Variants in ALPK2 observed in about 807,000 individuals in gnomAD.
ALPK2 encodes the protein alpha kinase 2.
In ALPK2, 127 loss-of-function variants were observed where a neutral mutation model predicts 163.1. That is an observed-to-expected ratio of 0.78 (90% CI 0.67 to 0.90). ALPK2 has a LOEUF of 0.90. Among genes scored for constraint, ALPK2 ranks in the 40% least tolerant of loss-of-function variants. The pLI, the probability that ALPK2 is intolerant of heterozygous loss-of-function variation, is 0.00. For missense variants in ALPK2, 2,360 were observed against 2,589.6 expected (o/e 0.91, Z 1.92); for synonymous variants, 953 against 959.1 (o/e 0.99, Z 0.12).
Position 58,607,369 on chromosome 18 carries a change from G to C in ALPK2, c.180C>G (p.Asn60Lys). The change falls in exon 3 of 13, where the codon AAC becomes AAG. Residue 60 changes from asparagine to lysine, a missense_variant. By Grantham distance (94) the Asn-to-Lys change is moderately conservative (BLOSUM62 0). Transcript: ENST00000361673. ...QAIDGSGIIS[N>K]YEFFENQYIH... ...TATACTGATTCTCAAAGAATTCATA[G>C]TTGGAAATAATGCCACTCCCATCGA... is the stretch of plus-strand genomic sequence containing the variant. 1 of 1,613,784 alleles carries C rather than the reference G, an allele frequency of 6.2e-7. No individual in the cohort carries two copies. The highest frequency in any genetic ancestry group is 8.5e-7 in the Non-Finnish European group (1 of 1,179,868).
intron 3 of ALPK2, among the ~76,000 whole-genome samples, chr18:58,596,441 C>T (rs572273879): frequency 6.6e-6 from 1 of 152,314 alleles, no homozygotes; most frequent in African/African-American, 2.4e-5. Context: ...CTCATTAGGG[C>T]TGTCAAGGAG....
chr18:58,533,942 C>T (rs544418155), intron 5 of ALPK2, among the ~76,000 whole-genome samples: 16 of 152,280 alleles, frequency 1.1e-4, no homozygotes, highest in Non-Finnish European at 1.9e-4. Flanking sequence ...GAAAATTCTT[C>T]CCTTCTGATC....
rs538792326 is a variant in ALPK2, at chr18:58,481,391, C to T, written c.*432G>A. 5.9e-5 allele frequency: 10 copies of T among 168,946 alleles called. No homozygotes were observed. Among genetic ancestry groups the T allele is most frequent in the Admixed American group, 2.3e-4 (4 of 17,088 alleles). 10.5% of individuals were successfully genotyped at this position (168,946 alleles called of 1,614,324 possible). Reference sequence around the variant, plus strand: ...AACAACTTGATCCAGTGAGCGAATTCGTGATTTCTGTTTACATCACAGCAG... The same window carrying T: ...AACAACTTGATCCAGTGAGCGAATTTGTGATTTCTGTTTACATCACAGCAG... On this transcript the variant is annotated 3_prime_UTR_variant, in exon 13 of 13. Coordinates refer to ENST00000361673, the MANE Select transcript of ALPK2 (RefSeq NM_052947.4).
At chr18:58,614,433 C>T (rs1035724798) in intron 1 of ALPK2, among the ~76,000 whole-genome samples, 6 of 152,118 alleles carry the variant, frequency 3.9e-5, no homozygotes, top group Non-Finnish European at 5.9e-5. Context: ...CATGGGGCTC[C>T]GGTTCATACA....
At chr18:58,531,934 T>C (rs1240943313) in intron 5 of ALPK2, among the ~76,000 whole-genome samples, 1 of 5,934 alleles carries the variant, frequency 1.7e-4, no homozygotes, top group South Asian at 5.6e-3. Flanking sequence ...AGGCTCCGTC[T>C]CAAAAAAAAA....
chr18:58,606,708 T>A (rs111727187), intron 3 of ALPK2, among the ~76,000 whole-genome samples: 5 of 152,276 alleles, frequency 3.3e-5, no homozygotes, highest in Middle Eastern at 3.4e-3. Context: ...CTGTGACCAA[T>A]TTAGTAGCAT....
intron 11 of ALPK2, among the ~76,000 whole-genome samples, chr18:58,501,656 G>T (rs2051431878): frequency 6.6e-6 from 1 of 152,180 alleles, no homozygotes; most frequent in South Asian, 2.1e-4. Context: ...AGAAAATGCG[G>T]GTTGGAGTCT....
chr18:58,624,600 G>A (rs112148844), intron 1 of ALPK2, among the ~76,000 whole-genome samples: 28,469 of 152,066 alleles, frequency 0.19, 2,927 homozygotes, highest in African/African-American at 0.27. Flanking sequence ...GATTACAGGC[G>A]TGTGCCAGCA....
At chr18:58,531,935 CAAAAAAAA>C (rs35957271) in intron 5 of ALPK2, among the ~76,000 whole-genome samples, 50 of 49,618 alleles carry the variant, frequency 1.0e-3, no homozygotes, top group Middle Eastern at 0.028. Flanking sequence ...GGCTCCGTCT[CAAAAAAAA>C]AAAAAAAAAA....
chr18:58,537,645 T>C lies in ALPK2; in HGVS notation c.2542A>G (p.Lys848Glu), dbSNP rs778447149. Residue 848 changes from lysine to glutamate, a missense_variant, in exon 5 of 13, where the codon AAA becomes GAA. By Grantham distance (56) the Lys-to-Glu change is moderately conservative. Coordinates refer to ENST00000361673, the MANE Select transcript of ALPK2 (RefSeq NM_052947.4). ...VDTELAEGQNKVSDLCSSNDK... is the reference protein window; with the variant it reads ...VDTELAEGQNEVSDLCSSNDK... The stretch of plus-strand genomic sequence containing the variant: ...TTAGAAGAACATAAATCAGATACTT[T>C]GTTTTGACCTTCTGCCAGTTCCGTA... The C allele has an allele frequency of 1.2e-6, 2 of 1,613,492 alleles. No individual in the cohort carries two copies. The highest frequency in any genetic ancestry group is 2.2e-5 in the South Asian group (2 of 91,046).
chr18:58,516,876 A>G, intron 9 of ALPK2, 32 bp downstream of exon 9: 1 of 1,602,496 alleles, frequency 6.2e-7, no homozygotes, highest in Non-Finnish European at 8.5e-7. Flanking sequence ...TTCTCACACC[A>G]GAAGTGACAG....
At chr18:58,571,532 C>G (rs1196194711) in intron 4 of ALPK2, among the ~76,000 whole-genome samples, 3 of 151,058 alleles carry the variant, frequency 2.0e-5, no homozygotes, top group Non-Finnish European at 4.4e-5. Context: ...GCTATAAAAC[C>G]TAGAAAAAGA....
intron 3 of ALPK2, among the ~76,000 whole-genome samples, chr18:58,606,872 C>T (rs943031951): frequency 6.6e-6 from 1 of 152,174 alleles, no homozygotes; most frequent in African/African-American, 2.4e-5. Flanking sequence ...CATACTACTT[C>T]CTAAAATAAA....
At chr18:58,530,559 T>C (rs1254608885) in intron 5 of ALPK2, among the ~76,000 whole-genome samples, 1 of 152,180 alleles carries the variant, frequency 6.6e-6, no homozygotes, top group Non-Finnish European at 1.5e-5. Flanking sequence ...GCCGGCTTCA[T>C]GGGTGATGTG....
Position 58,503,978 on chromosome 18 carries a change from C to T in ALPK2, c.6200G>A (p.Trp2067Ter). 1.2e-6 allele frequency: 2 copies of T among 1,614,164 alleles called. No individual in the cohort carries two copies. The highest frequency in any genetic ancestry group is 1.7e-6 in the Non-Finnish European group (2 of 1,180,030). The change falls in exon 11 of 13, where the codon TGG becomes TAG. Residue 2067 changes from tryptophan to a stop codon, truncating the protein, a stop_gained. Coordinates refer to ENST00000361673, the MANE Select transcript of ALPK2 (RefSeq NM_052947.4). LOFTEE classifies it high-confidence loss of function. ...GCAGCCACTTGTTTTCTGGTACACC[C>T]AGTGCTGGAAGGTGCAACATTTCTG... ...AGQKCCTFQH[W>*]VYQKTSGCLL... is the part of the protein sequence containing the mutation.
At chr18:58,542,746 C>T (rs567413578) in intron 4 of ALPK2, among the ~76,000 whole-genome samples, 2 of 152,210 alleles carry the variant, frequency 1.3e-5, no homozygotes, top group South Asian at 2.1e-4. Flanking sequence ...CTGGAATTGC[C>T]GAGAAAAGCA....
At position 58,579,278 on chromosome 18, in the gene ALPK2, A is replaced by T. The variant is rs765361814; in HGVS notation, c.1498T>A (p.Ser500Thr). 7.4e-6 allele frequency: 12 copies of T among 1,614,010 alleles called. No individual in the cohort carries two copies. In the African/African-American group the frequency reaches 1.6e-4, roughly 22 times the overall value. The stretch of plus-strand genomic sequence containing the variant: ...ATCCCTGAGTTTTCTGACTCACCAG[A>T]CAAGAGCTTCATCTCTGTCTCTCTT... Reference protein sequence around the residue: ...SVRETEMKLLSGESENSGMSQ... With the variant: ...SVRETEMKLLTGESENSGMSQ... Residue 500 changes from serine (S) to threonine (T), a missense_variant, in exon 4 of 13, where the codon TCT becomes ACT. Physicochemically the swap from Ser to Thr is moderately conservative, Grantham distance 58 (BLOSUM62 1). Coordinates refer to ENST00000361673, the MANE Select transcript of ALPK2 (RefSeq NM_052947.4).
chr18:58,501,325 G>A (rs2051430379), intron 11 of ALPK2, among the ~76,000 whole-genome samples: 2 of 152,218 alleles, frequency 1.3e-5, no homozygotes, highest in Admixed American at 1.3e-4. Flanking sequence ...AGAAAAGATG[G>A]GGGACAGCAG....
At chr18:58,602,220 C>G (rs2052074226) in intron 3 of ALPK2, among the ~76,000 whole-genome samples, 1 of 152,218 alleles carries the variant, frequency 6.6e-6, no homozygotes, top group African/African-American at 2.4e-5. Flanking sequence ...GGAACCAACA[C>G]TGCATTCTCA....
Sources: allele counts gnomAD v4.1 joint callset (sites outside exome capture counted in the v4.1 genomes callset), GRCh38; gene constraint gnomAD v4.1.1; transcripts MANE v1.5; gene names NCBI Gene and HGNC (gene_info 2026-07-23, HGNC 2026-07-21).